Variants in PDXDC1 observed in about 807,000 individuals in gnomAD.
The protein encoded by PDXDC1 is pyridoxal dependent decarboxylase domain containing 1.
In PDXDC1, 42 loss-of-function variants were observed where a neutral mutation model predicts 100.1. The ratio of observed to expected loss-of-function variants is 0.42; its 90% CI spans 0.33 to 0.54. The LOEUF (loss-of-function observed/expected upper bound fraction) is 0.54. PDXDC1 is among the 20% of genes least tolerant of loss of function. The probability of loss-of-function intolerance (pLI) is 0.10; values close to 1 mark genes in which losing one functional copy is unlikely to be tolerated. For synonymous variants in PDXDC1, 260 were observed against 371.7 expected (o/e 0.70, Z 3.46); for missense variants, 636 against 979.2 (o/e 0.65, Z 4.68).
At chr16:15,030,880 G>A (rs1454675914) in intron 16 of PDXDC1, among the ~76,000 whole-genome samples, 1 of 151,976 alleles carries the variant, frequency 6.6e-6, no homozygotes, top group Non-Finnish European at 1.5e-5. Context: ...AGAGTCATCC[G>A]GGAGCTTTAC....
intron 16 of PDXDC1, chr16:15,074,700 A>C: frequency 6.3e-7 from 1 of 1,594,234 alleles, no homozygotes; most frequent in Non-Finnish European, 8.6e-7. Flanking sequence ...GGTGTTCAAT[A>C]AACAGTAGCT....
intron 16 of PDXDC1, chr16:15,055,992 C>G: frequency 2.5e-6 from 3 of 1,203,200 alleles, no homozygotes; most frequent in East Asian, 3.4e-5. Flanking sequence ...GCCGCCCAGG[C>G]AGGCCCAGGG....
the PDXDC1 span, among the ~76,000 whole-genome samples, chr16:15,151,890 C>T: frequency 7.8e-6 from 1 of 128,454 alleles, no homozygotes; most frequent in South Asian, 2.7e-4. Context: ...GAGATCGTGC[C>T]GTTGCACTCC....
At chr16:15,132,886 G>A (rs2048174660) in intron 16 of PDXDC1, 18 of 1,592,538 alleles carry the variant, frequency 1.1e-5, no homozygotes, top group Middle Eastern at 2.3e-4. Flanking sequence ...GGGGCAGGCA[G>A]GCGGCACAGC....
At chr16:15,032,653 T>TAAAAAAAAAA in intron 17 of PDXDC1, 1 of 215,832 alleles carries the variant, frequency 4.6e-6, no homozygotes, top group South Asian at 5.4e-5. Flanking sequence ...GACCCTGCTT[T>TAAAAAAAAAA]AAAAAAAAAA....
In PDXDC1 at chr16:15,025,551, C is replaced by T. The variant is rs1198625434; in HGVS notation, c.1141-1092C>T. 2.0e-5 allele frequency: 3 copies of T among 152,482 alleles called. No individual in the cohort carries two copies. In the East Asian group the frequency reaches 5.8e-4, roughly 29 times the overall value. The allele number at this position is 152,482 out of a possible 1,614,324, so 9.4% of individuals were successfully genotyped here. ...TAATTGGCAGATTTGAATTCACATC[C>T]TGCTTGGTATGAATACTGTCCACAC... On this transcript the variant is annotated intron_variant, in intron 13 of 22. Coordinates refer to ENST00000396410, the MANE Select transcript of PDXDC1 (RefSeq NM_015027.4).
chr16:15,135,147 T>C (rs1269148750), intron 16 of PDXDC1: 36 of 771,020 alleles, frequency 4.7e-5, no homozygotes, highest in Non-Finnish European at 7.7e-5. Flanking sequence ...GCTGTCGTGT[T>C]ACGTAGAATT....
intron 16 of PDXDC1, chr16:15,125,707 G>A (rs200953944): frequency 1.5e-6 from 2 of 1,370,784 alleles, no homozygotes; most frequent in African/African-American, 1.4e-5. Context: ...GTGGAGGCCT[G>A]AGAACGTGAG....
chr16:15,132,925 G>A, intron 16 of PDXDC1: 14 of 1,584,158 alleles, frequency 8.8e-6, no homozygotes, highest in Non-Finnish European at 1.2e-5. Flanking sequence ...GAGACCGGCA[G>A]GAGGCCAGCA....
intron 16 of PDXDC1, chr16:15,130,529 C>T (rs1478458577): frequency 1.2e-5 from 16 of 1,319,670 alleles, no homozygotes; most frequent in South Asian, 4.7e-5. Flanking sequence ...AGCCCATACC[C>T]GGTCCAGTCC....
At chr16:15,133,407 G>A in intron 16 of PDXDC1, 5 of 1,085,084 alleles carry the variant, frequency 4.6e-6, no homozygotes, top group Non-Finnish European at 6.9e-6. Context: ...GGCTCTGGGA[G>A]GGTGATGGCC....
At chr16:15,020,645 C>T (rs1465213293) in intron 12 of PDXDC1, among the ~76,000 whole-genome samples, 4 of 151,052 alleles carry the variant, frequency 2.6e-5, no homozygotes, top group South Asian at 2.1e-4. Flanking sequence ...GCCGAGATTG[C>T]GCCACTGCAC....
At position 15,137,286 on chromosome 16, in the gene PDXDC1, G is replaced by A. The variant is rs890079131; in HGVS notation, c.1400-1593G>A. 14 of 857,286 alleles carry A rather than the reference G, an allele frequency of 1.6e-5. No individual in the cohort carries two copies. The Admixed American group carries it at 1.8e-4, about 11-fold the overall frequency. The allele number at this position is 857,286 out of a possible 1,614,324, so 53.1% of individuals were successfully genotyped here. On this transcript the variant is annotated intron_variant, in intron 16 of 16. Transcript: ENST00000535621. ...GGGAAGACGTGCTGGAGGAGGGTGGGGCCCCTACAGGTGGGGGCAGGAGGC... is the reference window on the plus strand; with the variant it reads ...GGGAAGACGTGCTGGAGGAGGGTGGAGCCCCTACAGGTGGGGGCAGGAGGC...
intron 15 of PDXDC1, chr16:15,029,170 A>T: frequency 1.5e-6 from 1 of 653,996 alleles, no homozygotes; most frequent in Non-Finnish European, 2.7e-6. Context: ...TCCTTCTGGC[A>T]TTGCTCCCTC....
In PDXDC1 at chr16:15,036,389, C is replaced by A; in HGVS notation, c.*114C>A. ...ATAAATTACTGTTGTTTGTGCTTCACTGGGATTTTGGCACAAATATGTGCC... is the reference window on the plus strand; with the variant it reads ...ATAAATTACTGTTGTTTGTGCTTCAATGGGATTTTGGCACAAATATGTGCC... On this transcript the variant is annotated 3_prime_UTR_variant, in exon 23 of 23. Transcript: ENST00000396410. 8.9e-7 allele frequency: 1 copy of A among 1,121,240 alleles called. No homozygotes were observed. The allele number at this position is 1,121,240 out of a possible 1,614,324, so 69.5% of individuals were successfully genotyped here.
At chr16:15,110,172 G>A (rs1283311940) in intron 16 of PDXDC1, among the ~76,000 whole-genome samples, 1 of 149,344 alleles carries the variant, frequency 6.7e-6, no homozygotes, top group African/African-American at 2.4e-5. Flanking sequence ...GAGAGAGAGA[G>A]ACAAAGGAAA....
intron 16 of PDXDC1, chr16:15,061,847 G>C: frequency 1.9e-6 from 3 of 1,614,060 alleles, no homozygotes; most frequent in Non-Finnish European, 2.5e-6. Flanking sequence ...CCCAATCACG[G>C]TATCATTCTG....
intron 16 of PDXDC1, among the ~76,000 whole-genome samples, chr16:15,051,629 C>T (rs573194782): frequency 3.3e-5 from 5 of 152,190 alleles, no homozygotes; most frequent in African/African-American, 1.2e-4. Flanking sequence ...GAACCACAGG[C>T]GCACGCCACC....
intron 16 of PDXDC1, chr16:15,047,685 C>T (rs2044131107): frequency 2.2e-6 from 2 of 898,872 alleles, no homozygotes; most frequent in East Asian, 2.4e-5. Context: ...GTCTGTGCTC[C>T]CCAGCCAACC....
Sources: gnomAD v4.1 joint callset for allele counts (sites outside exome capture counted in the v4.1 genomes callset) on GRCh38, gnomAD v4.1.1 for gene constraint, MANE v1.5 for transcripts, NCBI Gene and HGNC (gene_info 2026-07-23, HGNC 2026-07-21) for gene names.